Variants in MACF1 observed in about 807,000 individuals in gnomAD.
The protein encoded by MACF1 is microtubule-actin cross-linking factor 1.
In MACF1, 193 loss-of-function variants were observed where a neutral mutation model predicts 854.8. The observed-to-expected ratio is 0.23, with a 90% confidence interval of 0.20 to 0.25. The LOEUF (loss-of-function observed/expected upper bound fraction) is 0.25, where lower values mean the gene tolerates loss of function less well. Ranked by LOEUF, MACF1 falls within the 10% of genes least tolerant of loss-of-function variation. MACF1 has a pLI of 1.00. For synonymous variants in MACF1, 3,185 were observed against 3,226.7 expected (o/e 0.99, Z 0.44); for missense variants, 7,722 against 8,929.1 (o/e 0.86, Z 5.45).
intron 33 of MACF1, among the ~76,000 whole-genome samples, chr1:39,323,586 A>G (rs549204091): frequency 4.1e-4 from 63 of 152,158 alleles, no homozygotes; most frequent in Non-Finnish European, 6.9e-4. Context: ...CACCTATACC[A>G]AATTTCTGGG....
chr1:39,285,378 T>G lies in MACF1; in HGVS notation c.1341T>G (p.Asn447Lys). The G allele has an allele frequency of 6.2e-7, 1 of 1,614,000 alleles. No individual in the cohort carries two copies. Among genetic ancestry groups the G allele is most frequent in the Non-Finnish European group, 8.5e-7 (1 of 1,180,030 alleles). The part of the protein sequence containing the change: ...NCEEKLTLAK[N>K]TLQADAAHLE... The stretch of plus-strand genomic sequence containing the variant: ...AAGAAAAACTGACACTAGCTAAGAA[T>G]ACACTGCAGGCTGTAAGTCTCTGAC... Residue 447 changes from asparagine to lysine, a missense_variant, in exon 13 of 101, where the codon AAT (asparagine) becomes AAG (lysine). Asn to Lys is a moderately conservative substitution (Grantham distance 94). Transcript: ENST00000564288.
intron 96 of MACF1, 71 bp from the exon 97 acceptor site, chr1:39,469,476 T>C: frequency 8.5e-7 from 1 of 1,174,734 alleles, no homozygotes. Context: ...TCTGCCAATT[T>C]GTCTTTCTTG....
intron 15 of MACF1, among the ~76,000 whole-genome samples, chr1:39,289,599 C>T (rs1467260208): frequency 1.3e-5 from 2 of 149,936 alleles, no homozygotes; most frequent in Non-Finnish European, 3.0e-5. Context: ...AGTTTTTTTC[C>T]AGTAGAGTTG....
chr1:39,332,686 G>C lies in MACF1; in HGVS notation c.6098G>C (p.Ser2033Thr). The C allele has an allele frequency of 6.2e-7, 1 of 1,614,202 alleles. No homozygotes were observed. The change falls in exon 37 of 101, where the codon AGT becomes ACT. Residue 2033 changes from serine to threonine, a missense_variant. Physicochemically the swap from Ser to Thr is moderately conservative, Grantham distance 58. Around this residue, in one of 15 missense-constraint regions of MACF1, gnomAD observed 1,531 missense variants for 1,601.6 expected, o/e 0.96. Coordinates refer to ENST00000564288, the MANE Select transcript of MACF1 (RefSeq NM_001394062.1). Reference protein sequence around the residue: ...ANVKISGTFSSGWTVRLPEFQ... With the variant: ...ANVKISGTFSTGWTVRLPEFQ... ...GTGAAAATCTCAGGAACTTTCAGCA[G>C]TGGGTGGACTGTGAGGCTGCCTGAG... is the stretch of plus-strand genomic sequence containing the variant.
intron 2 of MACF1, among the ~76,000 whole-genome samples, chr1:39,087,159 C>T (rs1641693675): frequency 6.6e-6 from 1 of 152,228 alleles, no homozygotes; most frequent in African/African-American, 2.4e-5. Flanking sequence ...TGCTCTGAAG[C>T]TCTCTGAAGC....
intron 46 of MACF1, 103 bp from the exon 47 acceptor site, chr1:39,359,038 T>C: frequency 1.3e-6 from 2 of 1,483,406 alleles, no homozygotes. Context: ...TGGCTATGGT[T>C]AAACTTACAA....
At position 39,427,954 on chromosome 1, in the gene MACF1, T is replaced by C. The variant is rs754553454; in HGVS notation, c.16477-7T>C. 6 of 1,591,152 alleles carry C rather than the reference T, an allele frequency of 3.8e-6. No individual in the cohort carries two copies. In the South Asian group the frequency reaches 6.8e-5, roughly 18 times the overall value. On this transcript the variant is annotated splice_polypyrimidine_tract_variant and splice_region_variant and intron_variant, in intron 62 of 100. Transcript: ENST00000564288. ...CTGTTATTCATTTTTTCCATCTGGATTTCCAGGCTCTGGAAGAAGACATAG... is the reference window on the plus strand; with the variant it reads ...CTGTTATTCATTTTTTCCATCTGGACTTCCAGGCTCTGGAAGAAGACATAG...
chr1:39,438,451 A>G (rs80051515), intron 71 of MACF1, among the ~76,000 whole-genome samples: 3,708 of 152,332 alleles, frequency 0.024, 115 homozygotes, highest in East Asian at 0.17. Context: ...TGATCCCTGT[A>G]TGTGGGATAC....
chr1:39,420,856 G>T (rs1188326540), intron 58 of MACF1, among the ~76,000 whole-genome samples: 2 of 149,180 alleles, frequency 1.3e-5, no homozygotes, highest in African/African-American at 5.1e-5. Context: ...ATAACTGAGA[G>T]AAACCCAATT....
intron 2 of MACF1, 23 bp from the exon 3 acceptor site, chr1:39,249,991 G>A (rs760081354): frequency 1.4e-6 from 2 of 1,420,342 alleles, no homozygotes; most frequent in Non-Finnish European, 2.0e-6. Flanking sequence ...ATAAAAATCT[G>A]TCTGTTTCAC....
chr1:39,413,108 T>G, intron 58 of MACF1: 1 of 1,607,308 alleles, frequency 6.2e-7, no homozygotes, highest in Non-Finnish European at 8.5e-7. Context: ...ATGTCAGCTG[T>G]CGCAGGGTTC....
At chr1:39,172,573 G>T (rs983029889) in intron 2 of MACF1, among the ~76,000 whole-genome samples, 3 of 152,130 alleles carry the variant, frequency 2.0e-5, no homozygotes, top group African/African-American at 7.2e-5. Context: ...TACCATTATA[G>T]ATACTAATCA....
intron 58 of MACF1, among the ~76,000 whole-genome samples, chr1:39,393,188 A>ATAT (rs1365389099): frequency 1.1e-5 from 1 of 88,224 alleles, no homozygotes; most frequent in African/African-American, 6.3e-5. Context: ...GGGTAAAAAA[A>ATAT]AAAAAAAAAT....
rs761028530 is a variant in MACF1 at position 39,458,378 on chromosome 1, G to A, written c.21084G>A (p.Met7028Ile). Reference protein sequence around the residue: ...KALIAEHQTFMEEMTRKQPDV... With the variant: ...KALIAEHQTFIEEMTRKQPDV... ...TTTTTTGTGTTTAACAGACATTTAT[G>A]GAGGAGATGACTCGCAAACAGCCTG... Residue 7028 changes from methionine (M) to isoleucine (I), a missense_variant, in exon 90 of 101, where the codon ATG becomes ATA. Met to Ile is a conservative substitution (Grantham distance 10). Around this residue, in one of 15 missense-constraint regions of MACF1, gnomAD observed 729 missense variants for 900.5 expected, o/e 0.81. Transcript: ENST00000564288. The A allele has an allele frequency of 8.1e-6, 13 of 1,612,882 alleles. No homozygotes were observed. The highest frequency in any genetic ancestry group is 2.2e-5 in the South Asian group (2 of 90,986).
At chr1:39,272,013 C>T (rs1187780876) in intron 6 of MACF1, among the ~76,000 whole-genome samples, 1 of 152,146 alleles carries the variant, frequency 6.6e-6, no homozygotes, top group East Asian at 1.9e-4. Context: ...GGTAGCCAAC[C>T]TCTGCATCTA....
intron 58 of MACF1, chr1:39,414,368 G>C: frequency 1.2e-6 from 2 of 1,613,940 alleles, no homozygotes; most frequent in Admixed American, 3.3e-5. Context: ...ACTGGAATGT[G>C]GATCAAGGAG....
In MACF1 at chr1:39,332,287, G is replaced by A. The variant is rs1352662674; in HGVS notation, c.5699G>A (p.Trp1900Ter). 1 of 1,613,814 alleles carries A rather than the reference G, an allele frequency of 6.2e-7. No individual in the cohort carries two copies. Among genetic ancestry groups the A allele is most frequent in the Non-Finnish European group, 8.5e-7 (1 of 1,180,016 alleles). The change falls in exon 37 of 101, where the codon TGG becomes TAG. Residue 1900 changes from tryptophan to a stop codon, truncating the protein, a stop_gained. Transcript: ENST00000564288. LOFTEE classifies it high-confidence loss of function. ...FLPATTEILS[W>*]KKAIESGILD... ...CCAGCAACCACAGAGATTTTGTCCT[G>A]GAAGAAAGCAATAGAAAGTGGTATC...
At chr1:39,098,990 A>T (rs58530250) in intron 2 of MACF1, among the ~76,000 whole-genome samples, 2,376 of 152,172 alleles carry the variant, frequency 0.016, 68 homozygotes, top group African/African-American at 0.055. Flanking sequence ...GAACTAGGTA[A>T]TTTTCTTCCA....
chr1:39,427,927 T>G, intron 62 of MACF1, 34 bp from the exon 63 acceptor site: 1 of 1,466,524 alleles, frequency 6.8e-7, no homozygotes, highest in Non-Finnish European at 9.4e-7. Context: ...TTTATTTTGT[T>G]TCTGTTATTC....
Sources: gnomAD v4.1 joint callset for allele counts (sites outside exome capture counted in the v4.1 genomes callset) on GRCh38, gnomAD v4.1.1 for gene constraint, gnomAD v4.1.1 regional missense constraint, MANE v1.5 for transcripts, NCBI Gene and HGNC (gene_info 2026-07-23, HGNC 2026-07-21) for gene names.